TENM1: variants seen among roughly 807,000 people sequenced by gnomAD.
TENM1 encodes the protein teneurin transmembrane protein 1.
Under a neutral mutation model 174.8 loss-of-function variants are expected in TENM1, and 35 were observed. That is an observed-to-expected ratio of 0.20 (90% CI 0.15 to 0.27). TENM1 has a LOEUF of 0.27. Among genes scored for constraint, TENM1 ranks in the 10% least tolerant of loss-of-function variants. The probability of loss-of-function intolerance (pLI) is 1.00; values close to 1 mark genes in which losing one functional copy is unlikely to be tolerated. For missense variants in TENM1, 1,633 were observed against 2,130.1 expected (o/e 0.77, Z 4.59); for synonymous variants, 781 against 798.7 (o/e 0.98, Z 0.37).
chrX:125,156,011 G>A, the TENM1 span, among the ~76,000 whole-genome samples: 2 of 112,728 alleles, frequency 1.8e-5, no homozygotes, highest in Non-Finnish European at 1.9e-5. Context: ...CTGCCAGCAC[G>A]CTGTCACCTC....
the TENM1 span, among the ~76,000 whole-genome samples, chrX:125,108,853 CA>C: frequency 2.7e-5 from 3 of 109,741 alleles, no homozygotes; most frequent in Non-Finnish European, 5.7e-5. Flanking sequence ...TTACAATTAT[CA>C]TTGTAATTTA....
At chrX:125,142,391 A>C in the TENM1 span, among the ~76,000 whole-genome samples, 1 of 111,155 alleles carries the variant, frequency 9.0e-6, no homozygotes, top group Non-Finnish European at 1.9e-5. Context: ...CATTCCTCAG[A>C]GCTTTAGTAC....
chrX:124,679,384 T>C (rs913790617), intron 5 of TENM1, among the ~76,000 whole-genome samples: 2 of 111,684 alleles, frequency 1.8e-5, no homozygotes, highest in Non-Finnish European at 3.8e-5. Context: ...TCCTGAAATA[T>C]ATACGAAGTA....
At chrX:125,010,812 TA>T in the TENM1 span, among the ~76,000 whole-genome samples, 18,730 of 64,255 alleles carry the variant, frequency 0.29, 2,441 homozygotes, top group African/African-American at 0.52. Context: ...AGACTCCGTC[TA>T]AAAAAAAAAA....
chrX:125,019,893 G>A, the TENM1 span, among the ~76,000 whole-genome samples: 1 of 111,329 alleles, frequency 9.0e-6, no homozygotes, highest in Non-Finnish European at 1.9e-5. Context: ...TAAGTCCATG[G>A]CATAATTGTC....
exon 32 of TENM1, chrX:124,380,563 C>T (rs2060144856): frequency 8.3e-7 from 1 of 1,206,662 alleles, no homozygotes; most frequent in Non-Finnish European, 1.1e-6. Context: ...CGCTCTGTCT[C>T]ATAAAGTGAA....
At chrX:125,016,651 C>T in the TENM1 span, among the ~76,000 whole-genome samples, 20 of 111,465 alleles carry the variant, frequency 1.8e-4, no homozygotes, top group African/African-American at 5.5e-4. Flanking sequence ...AAGTAATTTA[C>T]AGATTCAATA....
intron 13 of TENM1, 133 bp downstream of exon 16, chrX:124,563,616 T>A: frequency 2.0e-6 from 1 of 493,342 alleles, no homozygotes; most frequent in East Asian, 3.9e-5. Context: ...ACTGACAACA[T>A]TATATTTAAA....
upstream of TENM1, among the ~76,000 whole-genome samples, chrX:124,966,490 A>G (rs5958637): frequency 0.12 from 13,427 of 108,264 alleles, 2,289 homozygotes; most frequent in African/African-American, 0.44. Context: ...GTGAAACCCC[A>G]TCTCTACTAA....
At chrX:124,688,922 G>A (rs2052444991) in intron 5 of TENM1, 1 of 111,691 alleles carries the variant, frequency 9.0e-6, no homozygotes, top group Non-Finnish European at 1.9e-5. Context: ...AGGCAACTAT[G>A]AGGGTGTTAG....
At chrX:124,814,864 G>A (rs1185196048) in intron 3 of TENM1, among the ~76,000 whole-genome samples, 2 of 111,808 alleles carry the variant, frequency 1.8e-5, no homozygotes, top group Admixed American at 9.5e-5. Flanking sequence ...AAAGCTGAAA[G>A]TAGCCTCCAA....
chrX:124,985,420 AC>A, the TENM1 span, among the ~76,000 whole-genome samples: 1 of 112,279 alleles, frequency 8.9e-6, no homozygotes, highest in African/African-American at 3.2e-5. Context: ...ATGCAGTGTC[AC>A]CTTAAAGCAC....
At chrX:124,659,874 G>C (rs1299148431) in intron 6 of TENM1, among the ~76,000 whole-genome samples, 1 of 110,911 alleles carries the variant, frequency 9.0e-6, no homozygotes, top group Non-Finnish European at 1.9e-5. Context: ...AATTCAATGG[G>C]GGAAAGAATA....
At chrX:125,083,988 T>C in the TENM1 span, among the ~76,000 whole-genome samples, 3 of 111,590 alleles carry the variant, frequency 2.7e-5, no homozygotes, top group Non-Finnish European at 5.7e-5. Flanking sequence ...ACAAGATGTT[T>C]CCTTTCTTCC....
chrX:124,823,636 T>C (rs1023359736), intron 3 of TENM1, among the ~76,000 whole-genome samples: 1 of 111,097 alleles, frequency 9.0e-6, no homozygotes, highest in Non-Finnish European at 1.9e-5. Flanking sequence ...ACTACTCTTA[T>C]AGATTTAGTT....
the TENM1 span, among the ~76,000 whole-genome samples, chrX:125,057,262 G>A: frequency 4.5e-5 from 5 of 110,776 alleles, no homozygotes; most frequent in Non-Finnish European, 9.5e-5. Flanking sequence ...ATACCCTCTC[G>A]GGCATGTGAA....
chrX:124,591,616 T>C (rs965172035), intron 11 of TENM1, among the ~76,000 whole-genome samples: 2 of 111,987 alleles, frequency 1.8e-5, no homozygotes, highest in Admixed American at 1.9e-4. Flanking sequence ...GAGTTCTCTA[T>C]GTAAGTAATC....
intron 4 of TENM1, among the ~76,000 whole-genome samples, chrX:124,731,738 T>C (rs1175180487): frequency 1.8e-5 from 2 of 112,092 alleles, no homozygotes; most frequent in Admixed American, 1.9e-4. Context: ...GACAATCTCA[T>C]TTCATTTCTA....
At chrX:124,993,809 T>C in the TENM1 span, among the ~76,000 whole-genome samples, 1 of 107,826 alleles carries the variant, frequency 9.3e-6, no homozygotes, top group African/African-American at 3.6e-5. Flanking sequence ...TGCATACGTG[T>C]GCATGCACAC....
Sources: gnomAD v4.1 joint callset for allele counts (sites outside exome capture counted in the v4.1 genomes callset) on GRCh38, gnomAD v4.1.1 for gene constraint, MANE v1.5 for transcripts, NCBI Gene and HGNC (gene_info 2026-07-23, HGNC 2026-07-21) for gene names.